Variants in PIGT observed in about 807,000 individuals in gnomAD.
PIGT encodes phosphatidylinositol glycan anchor biosynthesis class T, also known as GPI-anchor transamidase component PIGT.
Under a neutral mutation model 66.7 loss-of-function variants are expected in PIGT, and 57 were observed. The observed-to-expected ratio is 0.86, with a 90% CI of 0.69 to 1.07. The LOEUF (loss-of-function observed/expected upper bound fraction) is 1.07, where lower values mean the gene tolerates loss of function less well. Ranked by LOEUF, PIGT falls within the 50% of genes least tolerant of loss-of-function variation. The pLI is 0.00. For missense variants in PIGT, 725 were observed against 740.4 expected (o/e 0.98, Z 0.24); for synonymous variants, 362 against 320.5 (o/e 1.13, Z -1.38).
intron 11 of PIGT, 65 bp downstream of exon 11, chr20:45,424,644 C>G: frequency 7.8e-7 from 1 of 1,282,972 alleles, no homozygotes; most frequent in Admixed American, 1.7e-5. Context: ...ACACAGGTGA[C>G]CAGGCTCCTG....
chr20:45,416,717 G>T (rs1284221379), intron 2 of PIGT, 23 bp downstream of exon 2: 2 of 1,592,404 alleles, frequency 1.3e-6, no homozygotes, highest in Non-Finnish European at 8.6e-7. Context: ...CTTGGGCCCT[G>T]TTGCAGGCCA....
At position 45,420,236 on chromosome 20, in the gene PIGT, G is replaced by T; in HGVS notation, c.769+13G>T. 2 of 1,605,848 alleles carry T rather than the reference G, an allele frequency of 1.2e-6. No homozygotes were observed. Among genetic ancestry groups the T allele is most frequent in the Non-Finnish European group, 1.7e-6 (2 of 1,174,708 alleles). ...CAGGGAAAGAAAGGTAAGTTACCTT[G>T]GCAACTCATCTGTACCCACCCATGC... On this transcript the variant is annotated intron_variant, in intron 6 of 11. Transcript: ENST00000279036.
chr20:45,416,427 G>A, intron 1 of PIGT, 84 bp downstream of exon 1: 1 of 1,558,408 alleles, frequency 6.4e-7, no homozygotes, highest in African/African-American at 1.4e-5. Flanking sequence ...AACTTTGGGG[G>A]CGGGGCCTAA....
At chr20:45,422,909 ACT>A (rs1990458042) in intron 9 of PIGT, 1 of 152,106 alleles carries the variant, frequency 6.6e-6, no homozygotes, top group African/African-American at 2.4e-5. Context: ...TTTGCTTTAT[ACT>A]AAGTTCCTCT....
In PIGT at chr20:45,424,388, TC is replaced by T; in HGVS notation, c.1400+9del. 1 of 1,613,994 alleles carries T rather than the reference TC, an allele frequency of 6.2e-7. No homozygotes were observed. ...ACCATGGCTTCTATGTCAGGTGGGCTCCACCCCCACAGGCCACCTCTCATCC... is the reference window on the plus strand; with the variant it reads ...ACCATGGCTTCTATGTCAGGTGGGCTCACCCCCACAGGCCACCTCTCATCC... On this transcript the variant is annotated splice_region_variant and intron_variant, in intron 10 of 11. Coordinates refer to ENST00000279036, the MANE Select transcript of PIGT (RefSeq NM_015937.6).
rs753838965 is a variant in PIGT at position 45,420,539 on chromosome 20, A to G, written c.879A>G (p.Thr293=). The G allele has an allele frequency of 4.3e-6, 7 of 1,613,750 alleles. No homozygotes were observed. In the East Asian group the frequency reaches 1.1e-4, roughly 26 times the overall value. ...CTTTGTGTCCCCAGGACAACGAGACATTAGAGGTGCACCCACCCCCGACCA... is the reference window on the plus strand; with the variant it reads ...CTTTGTGTCCCCAGGACAACGAGACGTTAGAGGTGCACCCACCCCCGACCA... ...DITTYNQDNE[T]LEVHPPPTTT... is the part of the protein sequence containing the mutation. The change falls in exon 8 of 12, where the codon ACA becomes ACG. Residue 293 remains threonine (T), a synonymous_variant. Coordinates refer to ENST00000279036, the MANE Select transcript of PIGT (RefSeq NM_015937.6).
chr20:45,424,670 T>A, intron 11 of PIGT, 91 bp downstream of exon 11: 1 of 893,198 alleles, frequency 1.1e-6, no homozygotes, highest in Non-Finnish European at 1.9e-6. Context: ...GAGTTCAGGG[T>A]AGATGTTACA....
chr20:45,421,286 C>G, intron 8 of PIGT, 97 bp from the exon 9 acceptor site: 1 of 1,037,306 alleles, frequency 9.6e-7, no homozygotes, highest in Non-Finnish European at 1.4e-6. Context: ...TCCCCATCTA[C>G]TCACTGGCTT....
chr20:45,416,721 C>G, intron 2 of PIGT, 27 bp downstream of exon 2: 1 of 1,588,158 alleles, frequency 6.3e-7, no homozygotes, highest in African/African-American at 1.3e-5. Flanking sequence ...GGCCCTGTTG[C>G]AGGCCATGGA....
At chr20:45,421,128 A>T in intron 8 of PIGT, 1 of 558,678 alleles carries the variant, frequency 1.8e-6, no homozygotes, top group Non-Finnish European at 3.2e-6. Context: ...GAATATCCTG[A>T]GAGGACCTGG....
Position 45,416,301 on chromosome 20 carries a change from C to T in PIGT, c.145C>T (p.Gln49Ter). ...LPSGDVAATF[Q>*]FRTRWDSELQ... is the part of the protein sequence containing the mutation. ...TTCCGGGGACGTAGCCGCCACATTC[C>T]AGTTCCGCACGCGCTGGGATTCGGA... is the stretch of plus-strand genomic sequence containing the variant. Residue 49 changes from glutamine (Q) to a stop codon, truncating the protein, a stop_gained, in exon 1 of 12, where the codon CAG becomes TAG. Transcript: ENST00000279036. LOFTEE classifies it high-confidence loss of function. The T allele has an allele frequency of 1.3e-6, 2 of 1,596,656 alleles. No homozygotes were observed. The highest frequency in any genetic ancestry group is 1.7e-6 in the Non-Finnish European group (2 of 1,170,594).
At position 45,420,387 on chromosome 20, in the gene PIGT, T is replaced by G. The variant is rs767715699; in HGVS notation, c.825T>G (p.Ala275=). The change falls in exon 7 of 12, where the codon GCT becomes GCG. Residue 275 remains alanine, a synonymous_variant. Coordinates refer to ENST00000279036, the MANE Select transcript of PIGT (RefSeq NM_015937.6). ...CCCTCACGGAGCCCTGCCCCCTGGC[T>G]TCAGAGAGCCGAGTCTATGTGGACA... is the stretch of plus-strand genomic sequence containing the variant. The part of the protein sequence containing the change: ...SRTLTEPCPL[A]SESRVYVDIT... The G allele has an allele frequency of 6.2e-7, 1 of 1,613,658 alleles. No homozygotes were observed. The highest frequency in any genetic ancestry group is 1.1e-5 in the South Asian group (1 of 91,002).
intron 5 of PIGT, 79 bp downstream of exon 5, chr20:45,419,669 C>A: frequency 9.6e-7 from 1 of 1,046,156 alleles, no homozygotes; most frequent in Non-Finnish European, 1.5e-6. Flanking sequence ...CAGTGTCTGG[C>A]TCAGGCTGAG....
intron 11 of PIGT, among the ~76,000 whole-genome samples, chr20:45,425,292 T>C (rs1990672072): frequency 6.6e-6 from 1 of 151,774 alleles, no homozygotes. Context: ...TACATAGGTA[T>C]ATATGTGCCA....
chr20:45,422,798 G>A (rs1263372007), intron 9 of PIGT: 2 of 152,166 alleles, frequency 1.3e-5, no homozygotes, highest in Non-Finnish European at 2.9e-5. Flanking sequence ...TTTTAAAAAT[G>A]TAACCGTATC....
chr20:45,416,897 G>A, intron 2 of PIGT: 1 of 487,932 alleles, frequency 2.0e-6, no homozygotes, highest in Non-Finnish European at 3.6e-6. Context: ...GGTAGCACAT[G>A]CATATCCCTG....
Position 45,425,643 on chromosome 20 carries a change from G to A in PIGT, c.1554G>A (p.Pro518=), listed in dbSNP as rs758598966. 21 of 1,613,944 alleles carry A rather than the reference G, an allele frequency of 1.3e-5. No homozygotes were observed. The South Asian group carries it at 1.5e-4, about 12-fold the overall frequency. ...LYTEPLLVNL[P]TPDFSMPYNV... is the part of the protein sequence containing the mutation. Reference sequence around the variant, plus strand: ...CGGAGCCGCTGCTGGTGAACCTGCCGACACCGGACTTCAGCATGCCCTACA... The same window carrying A: ...CGGAGCCGCTGCTGGTGAACCTGCCAACACCGGACTTCAGCATGCCCTACA... The change falls in exon 12 of 12, where the codon CCG becomes CCA. Residue 518 remains proline (P), a synonymous_variant. Transcript: ENST00000279036.
At chr20:45,421,924 C>T (rs1018591502) in intron 9 of PIGT, 4 of 188,842 alleles carry the variant, frequency 2.1e-5, no homozygotes, top group Non-Finnish European at 4.3e-5. Flanking sequence ...AAGGGTTTGG[C>T]AACGTTAGGC....
chr20:45,418,963 C>G lies in PIGT; in HGVS notation c.477C>G (p.Pro159=). The G allele has an allele frequency of 1.2e-6, 2 of 1,614,148 alleles. No homozygotes were observed. The highest frequency in any genetic ancestry group is 1.7e-6 in the Non-Finnish European group (2 of 1,179,992). ...TCACTCCCACTGCCTCCTTCAAACC[C>G]CTGGGTCTGGCCAATGGTGAGATAA... ...NTVTPTASFK[P]LGLANDTDHY... The change falls in exon 3 of 12, where the codon CCC becomes CCG. Residue 159 remains proline (P), a synonymous_variant. Coordinates refer to ENST00000279036, the MANE Select transcript of PIGT (RefSeq NM_015937.6).
Sources: gnomAD v4.1 joint callset for allele counts (sites outside exome capture counted in the v4.1 genomes callset) on GRCh38, gnomAD v4.1.1 for gene constraint, MANE v1.5 for transcripts, NCBI Gene and HGNC (gene_info 2026-07-23, HGNC 2026-07-21) for gene names.